CSMD1: variants seen among roughly 807,000 people sequenced by gnomAD.
CSMD1 encodes the protein CUB and sushi domain-containing protein 1.
CSMD1 carries 213 observed loss-of-function variants against 417.5 expected under a neutral mutation model. The observed-to-expected ratio is 0.51, with a 90% CI of 0.46 to 0.57. The LOEUF (loss-of-function observed/expected upper bound fraction) is 0.57. Ranked by LOEUF, CSMD1 falls within the 20% of genes least tolerant of loss-of-function variation. The pLI is 0.00. For missense variants in CSMD1, 6,923 were observed against 4,529.7 expected (o/e 1.53, Z -15.17); for synonymous variants, 2,862 against 1,736.8 (o/e 1.65, Z -16.11).
In CSMD1 at chr8:3,039,138, G is replaced by A. The variant is rs528627386; in HGVS notation, c.7661-9625C>T. On this transcript the variant is annotated intron_variant, in intron 50 of 69. Transcript: ENST00000635120. ...CCATTGCTGTAAACACCGTGTGAGT[G>A]AGGCAGACACAGGAAGCTGAATTAC... Among the ~76,000 whole-genome samples the A allele has an allele frequency of 5.3e-5, 8 of 152,292 alleles. No homozygotes were observed. The South Asian group carries it at 1.5e-3, about 28-fold the overall frequency.
At position 3,082,237 on chromosome 8, in the gene CSMD1, C is replaced by A. The variant is rs1163992155; in HGVS notation, c.7474+4860G>T. ...GGATGCGTGCCAATCATTCATTATG[C>A]CACGGAAAGATCAAGCTTTCTAAAA... On this transcript the variant is annotated intron_variant, in intron 49 of 69. Transcript: ENST00000635120. 2.6e-5 allele frequency among the ~76,000 whole-genome samples: 4 copies of A among 152,292 alleles called. No homozygotes were observed. The South Asian group carries it at 8.3e-4, about 32-fold the overall frequency.
At chr8:4,868,285 G>C (rs1334555346) in intron 1 of CSMD1, among the ~76,000 whole-genome samples, 2 of 152,076 alleles carry the variant, frequency 1.3e-5, no homozygotes, top group African/African-American at 2.4e-5. Context: ...CCAGGCTGGA[G>C]AGCAGTGGCG....
intron 6 of CSMD1, among the ~76,000 whole-genome samples, chr8:3,732,171 G>T (rs994143186): frequency 6.6e-6 from 1 of 152,224 alleles, no homozygotes; most frequent in Non-Finnish European, 1.5e-5. Context: ...GTCACTCGTG[G>T]TGGTTGCCTT....
intron 3 of CSMD1, among the ~76,000 whole-genome samples, chr8:4,335,325 G>C (rs550361918): frequency 6.6e-6 from 1 of 152,190 alleles, no homozygotes; most frequent in Non-Finnish European, 1.5e-5. Context: ...TTCAACCTCG[G>C]ACTTTTGTGG....
intron 2 of CSMD1, among the ~76,000 whole-genome samples, chr8:4,576,141 G>T (rs1411213585): frequency 6.6e-6 from 1 of 152,194 alleles, no homozygotes; most frequent in Non-Finnish European, 1.5e-5. Flanking sequence ...TAGAATAATT[G>T]CAGAAAGTAT....
intron 12 of CSMD1, among the ~76,000 whole-genome samples, chr8:3,456,005 C>G (rs959770864): frequency 1.3e-5 from 2 of 152,100 alleles, no homozygotes; most frequent in Non-Finnish European, 2.9e-5. Context: ...CAAGCCTGGG[C>G]AATGGTGGGT....
chr8:3,978,600 G>T (rs572324628), intron 5 of CSMD1, among the ~76,000 whole-genome samples: 14 of 152,052 alleles, frequency 9.2e-5, no homozygotes, highest in African/African-American at 3.4e-4. Context: ...AGGCATGTTG[G>T]GGGTAAATAA....
chr8:4,166,149 A>T (rs907155838), intron 3 of CSMD1, among the ~76,000 whole-genome samples: 7 of 152,158 alleles, frequency 4.6e-5, no homozygotes, highest in African/African-American at 1.7e-4. Context: ...ACCCCATAAC[A>T]TTATTTTAAA....
chr8:3,026,408 G>C (rs1199211240), intron 51 of CSMD1, among the ~76,000 whole-genome samples: 3 of 149,910 alleles, frequency 2.0e-5, no homozygotes, highest in African/African-American at 7.4e-5. Flanking sequence ...CACTGGGCCT[G>C]ACTGGACCTC....
intron 8 of CSMD1, among the ~76,000 whole-genome samples, chr8:3,602,648 T>C (rs964128255): frequency 3.9e-5 from 6 of 151,952 alleles, no homozygotes; most frequent in African/African-American, 1.5e-4. Flanking sequence ...TCACAGGGTG[T>C]TATAATTCTA....
At chr8:4,247,343 T>G (rs1418250346) in intron 3 of CSMD1, among the ~76,000 whole-genome samples, 1 of 152,138 alleles carries the variant, frequency 6.6e-6, no homozygotes. Context: ...CATAGAGTGC[T>G]GCTGGGTGTG....
chr8:3,711,721 G>A (rs1249384241), intron 6 of CSMD1, among the ~76,000 whole-genome samples: 4 of 152,256 alleles, frequency 2.6e-5, no homozygotes, highest in South Asian at 2.1e-4. Context: ...CCAGGATAAT[G>A]CTTTCATCCA....
intron 23 of CSMD1, among the ~76,000 whole-genome samples, chr8:3,309,202 C>A (rs1429314992): frequency 6.6e-6 from 1 of 152,172 alleles, no homozygotes; most frequent in Non-Finnish European, 1.5e-5. Context: ...GGCCACCTAT[C>A]GGCACTGCCA....
At chr8:4,711,535 G>T (rs888949866) in intron 1 of CSMD1, among the ~76,000 whole-genome samples, 3 of 151,940 alleles carry the variant, frequency 2.0e-5, no homozygotes, top group Admixed American at 1.3e-4. Context: ...AAAAAAAAGT[G>T]CTATGGAAGG....
intron 1 of CSMD1, among the ~76,000 whole-genome samples, chr8:4,814,064 T>C (rs868199165): frequency 5.9e-5 from 9 of 152,230 alleles, no homozygotes; most frequent in Non-Finnish European, 1.0e-4. Context: ...TTGATGGCAA[T>C]AACCTTTAAA....
intron 3 of CSMD1, among the ~76,000 whole-genome samples, chr8:4,196,533 G>A (rs1799349697): frequency 6.6e-6 from 1 of 152,072 alleles, no homozygotes; most frequent in African/African-American, 2.4e-5. Context: ...TTTCCTTGCT[G>A]GCTGTAAACT....
chr8:4,884,376 T>G (rs1283699311), intron 1 of CSMD1, among the ~76,000 whole-genome samples: 2 of 152,062 alleles, frequency 1.3e-5, no homozygotes, highest in Non-Finnish European at 2.9e-5. Flanking sequence ...TTTAGAGTTT[T>G]GATGAAGTCC....
intron 1 of CSMD1, among the ~76,000 whole-genome samples, chr8:4,687,588 C>G (rs1156291159): frequency 6.6e-6 from 1 of 152,124 alleles, no homozygotes; most frequent in South Asian, 2.1e-4. Context: ...AAGAATTTAA[C>G]AAGAAAGGTA....
At chr8:4,070,610 G>C (rs1799502882) in intron 3 of CSMD1, among the ~76,000 whole-genome samples, 1 of 152,044 alleles carries the variant, frequency 6.6e-6, no homozygotes, top group African/African-American at 2.4e-5. Context: ...ACCCACCTCG[G>C]CCTCCCAAAG....
Sources: gnomAD v4.1 joint callset for allele counts (sites outside exome capture counted in the v4.1 genomes callset) on GRCh38, gnomAD v4.1.1 for gene constraint, MANE v1.5 for transcripts, NCBI Gene and HGNC (gene_info 2026-07-23, HGNC 2026-07-21) for gene names.